Variants in FNDC3A observed in about 807,000 individuals in gnomAD.
FNDC3A encodes the protein fibronectin type-III domain-containing protein 3A.
A neutral mutation model predicts 148.9 loss-of-function variants in FNDC3A; 32 were observed. The observed-to-expected ratio is 0.21, with a 90% CI of 0.16 to 0.29. FNDC3A has a LOEUF of 0.29. FNDC3A is among the 10% of genes least tolerant of loss of function. FNDC3A has a pLI of 1.00. For synonymous variants in FNDC3A, 472 were observed against 473.6 expected, an observed-to-expected ratio of 1.00 and a Z score of 0.04; for missense variants, 1,191 against 1,452.8, an observed-to-expected ratio of 0.82 and a Z score of 2.93.
intron 6 of FNDC3A, among the ~76,000 whole-genome samples, chr13:49,138,328 A>G (rs1882499427): frequency 6.6e-6 from 1 of 152,192 alleles, no homozygotes; most frequent in Non-Finnish European, 1.5e-5. Flanking sequence ...AGTCAAGCCA[A>G]TTATATTTCT....
chr13:49,124,103 A>C (rs907128890), intron 4 of FNDC3A, among the ~76,000 whole-genome samples: 1 of 152,214 alleles, frequency 6.6e-6, no homozygotes, highest in African/African-American at 2.4e-5. Context: ...AATGCCCATC[A>C]GTGATAGACT....
chr13:49,016,240 T>C (rs1192692984), intron 2 of FNDC3A, among the ~76,000 whole-genome samples: 1 of 152,200 alleles, frequency 6.6e-6, no homozygotes, highest in East Asian at 1.9e-4. Context: ...TCCTGGACTC[T>C]TTTTGGTTGG....
At chr13:49,033,689 T>A (rs193300632) in intron 2 of FNDC3A, among the ~76,000 whole-genome samples, 140 of 152,054 alleles carry the variant, frequency 9.2e-4, no homozygotes, top group Middle Eastern at 3.4e-3. Context: ...GTTTTAGAAG[T>A]GGCTTTACTA....
At chr13:49,008,855 A>G (rs1347789166) in intron 2 of FNDC3A, among the ~76,000 whole-genome samples, 1 of 152,156 alleles carries the variant, frequency 6.6e-6, no homozygotes, top group Non-Finnish European at 1.5e-5. Context: ...TTTTATTTTT[A>G]GAGCAGTTTT....
intron 2 of FNDC3A, among the ~76,000 whole-genome samples, chr13:49,056,604 A>G (rs1338786772): frequency 2.6e-5 from 4 of 151,872 alleles, no homozygotes; most frequent in Non-Finnish European, 5.9e-5. Context: ...TTCTTATTCT[A>G]TCTTCTGTAT....
intron 3 of FNDC3A, among the ~76,000 whole-genome samples, chr13:49,110,983 T>C (rs541622216): frequency 6.6e-6 from 1 of 152,310 alleles, no homozygotes; most frequent in South Asian, 2.1e-4. Context: ...CCTTAATAGC[T>C]CCATGATTGG....
intron 1 of FNDC3A, among the ~76,000 whole-genome samples, chr13:48,985,143 A>T (rs1471899782): frequency 2.0e-5 from 3 of 152,230 alleles, no homozygotes; most frequent in African/African-American, 4.8e-5. Context: ...AATATTCGAC[A>T]TGTAATAGAC....
chr13:49,002,090 T>G (rs1952136559), intron 1 of FNDC3A, among the ~76,000 whole-genome samples: 2 of 152,324 alleles, frequency 1.3e-5, no homozygotes, highest in South Asian at 4.1e-4. Context: ...CGGCTGACAC[T>G]TAAGGAAAAT....
At chr13:49,185,207 C>T (rs1265509943) in intron 14 of FNDC3A, among the ~76,000 whole-genome samples, 2 of 152,092 alleles carry the variant, frequency 1.3e-5, no homozygotes, top group African/African-American at 2.4e-5. Flanking sequence ...TAGAAAAATA[C>T]CTAGATTGGA....
At chr13:49,186,205 A>C in intron 15 of FNDC3A, 103 bp downstream of exon 15, 3 of 959,596 alleles carry the variant, frequency 3.1e-6, no homozygotes, top group Non-Finnish European at 4.6e-6. Context: ...TTGTTATCTC[A>C]AGCCAGTCCA....
intron 1 of FNDC3A, among the ~76,000 whole-genome samples, chr13:48,990,109 G>C (rs1227236956): frequency 6.6e-6 from 1 of 151,986 alleles, no homozygotes; most frequent in Non-Finnish European, 1.5e-5. Flanking sequence ...GGTGACATCA[G>C]ATCTGTCATT....
chr13:49,062,535 C>T (rs551804756), intron 2 of FNDC3A, among the ~76,000 whole-genome samples: 2 of 152,262 alleles, frequency 1.3e-5, no homozygotes, highest in East Asian at 1.9e-4. Context: ...TCAGATTGCT[C>T]ATGTTCTCTT....
chr13:49,104,694 G>A (rs1396645780), intron 3 of FNDC3A, among the ~76,000 whole-genome samples: 1 of 152,170 alleles, frequency 6.6e-6, no homozygotes, highest in African/African-American at 2.4e-5. Context: ...CAAAAAGTAA[G>A]AGACATGTCC....
chr13:48,978,135 G>A (rs3012133), intron 1 of FNDC3A, among the ~76,000 whole-genome samples: 47,700 of 151,670 alleles, frequency 0.31, 7,578 homozygotes, highest in South Asian at 0.48. Flanking sequence ...TCCTCTATCT[G>A]TGTGAGTAAT....
Position 48,989,208 on chromosome 13 carries a change from C to T in FNDC3A, c.-40+13031C>T, listed in dbSNP as rs142767010. On this transcript the variant is annotated intron_variant, in intron 1 of 25. Transcript: ENST00000492622. ...AAGTCCCAAAGAGTCAAACTTTGTC[C>T]GAGTCCCTTAGCCACATGTTATAAC... is the stretch of plus-strand genomic sequence containing the variant. Among the ~76,000 whole-genome samples, 903 of 152,254 alleles carry T rather than the reference C, an allele frequency of 5.9e-3. 12 individuals are homozygous for T. Among genetic ancestry groups the T allele is most frequent in the African/African-American group, 0.02 (841 of 41,534 alleles).
At chr13:49,187,754 T>A in intron 16 of FNDC3A, 2 of 903,504 alleles carry the variant, frequency 2.2e-6, no homozygotes, top group Non-Finnish European at 3.5e-6. Context: ...TTTTTTTTCC[T>A]GGATTTTTTT....
At chr13:49,010,319 T>C (rs1952312801) in intron 2 of FNDC3A, among the ~76,000 whole-genome samples, 1 of 152,134 alleles carries the variant, frequency 6.6e-6, no homozygotes, top group Admixed American at 6.5e-5. Context: ...AAAAGTTAGA[T>C]AAGGTGGTTG....
At position 49,198,155 on chromosome 13, in the gene FNDC3A, T is replaced by G. The variant is rs202203649; in HGVS notation, c.2664T>G (p.His888Gln). ...TAAGCTGGGAAAAGCCTTGTGATCATGGTTCGGAAATCCTTGCCTACAGCA... is the reference window on the plus strand; with the variant it reads ...TAAGCTGGGAAAAGCCTTGTGATCAGGGTTCGGAAATCCTTGCCTACAGCA... ...LAISWEKPCD[H>Q]GSEILAYSID... is the part of the protein sequence containing the mutation. Residue 888 changes from histidine (H) to glutamine (Q), a missense_variant, in exon 22 of 26, where the codon CAT becomes CAG. Physicochemically the swap from His to Gln is conservative, Grantham distance 24 (BLOSUM62 0). This residue lies in a region of FNDC3A where 751 missense variants were observed against 944.0 expected (regional missense o/e 0.80). Coordinates refer to ENST00000492622, the MANE Select transcript of FNDC3A (RefSeq NM_001079673.2). The G allele has an allele frequency of 1.9e-6, 3 of 1,614,210 alleles. No individual in the cohort carries two copies. The African/African-American group carries it at 4.0e-5, about 22-fold the overall frequency.
At chr13:49,178,438 C>G (rs1488242695) in intron 13 of FNDC3A, 130 bp from the exon 14 acceptor site, 2 of 612,710 alleles carry the variant, frequency 3.3e-6, no homozygotes, top group Non-Finnish European at 5.7e-6. Flanking sequence ...GAGGATTCCA[C>G]TCAACAGAGC....
Sources: gnomAD v4.1 joint callset for allele counts (sites outside exome capture counted in the v4.1 genomes callset) on GRCh38, gnomAD v4.1.1 for gene constraint, gnomAD v4.1.1 regional missense constraint, MANE v1.5 for transcripts, NCBI Gene and HGNC (gene_info 2026-07-23, HGNC 2026-07-21) for gene names.